Variants in LRP1B observed in about 807,000 individuals in gnomAD.
LRP1B encodes low-density lipoprotein receptor-related protein 1B.
A neutral mutation model predicts 556.6 loss-of-function variants in LRP1B; 217 were observed. The observed-to-expected ratio is 0.39, with a 90% CI of 0.35 to 0.44. LRP1B has a LOEUF of 0.44. Among genes scored for constraint, LRP1B ranks in the 20% least tolerant of loss-of-function variants. LRP1B has a pLI of 1.00. For synonymous variants in LRP1B, 2,047 were observed against 1,865.8 expected (o/e 1.10, Z -2.50); for missense variants, 5,053 against 5,620.8 (o/e 0.90, Z 3.23).
chr2:140,877,154 T>C (rs1033991477), intron 25 of LRP1B, among the ~76,000 whole-genome samples: 1 of 152,182 alleles, frequency 6.6e-6, no homozygotes, highest in Non-Finnish European at 1.5e-5. Context: ...ATAGACAACT[T>C]AAACTTCAGA....
At chr2:140,607,614 A>T (rs1419933194) in intron 41 of LRP1B, among the ~76,000 whole-genome samples, 2 of 144,838 alleles carry the variant, frequency 1.4e-5, no homozygotes, top group Non-Finnish European at 3.0e-5. Context: ...ATATATGCTA[A>T]ACTCGACCCC....
chr2:141,787,827 A>T (rs1695475162), intron 2 of LRP1B, among the ~76,000 whole-genome samples: 1 of 151,888 alleles, frequency 6.6e-6, no homozygotes, highest in Non-Finnish European at 1.5e-5. Context: ...GCTCATCTTT[A>T]AACTACTAAT....
At chr2:141,013,445 A>T (rs759657139) in intron 14 of LRP1B, 111 bp downstream of exon 14, 14 of 845,924 alleles carry the variant, frequency 1.7e-5, no homozygotes, top group Non-Finnish European at 2.5e-5. Context: ...AGGGAATTTG[A>T]CATCTTTTAT....
At chr2:141,298,694 C>T (rs754411806) in intron 3 of LRP1B, among the ~76,000 whole-genome samples, 1 of 152,046 alleles carries the variant, frequency 6.6e-6, no homozygotes, top group Non-Finnish European at 1.5e-5. Context: ...GTGGCTCACG[C>T]CTGTAATACC....
rs182550792 is a variant in LRP1B at position 140,562,860 on chromosome 2, T to C, written c.7195-20889A>G. ...CCAACTCCTGGCCTCAAACGATCTG[T>C]CTGCTTCAGCGTCCCAAAGTGCTAG... On this transcript the variant is annotated intron_variant, in intron 43 of 90. Transcript: ENST00000389484. 2.9e-3 allele frequency among the ~76,000 whole-genome samples: 434 copies of C among 152,142 alleles called. 3 individuals are homozygous for C. The highest frequency in any genetic ancestry group is 5.2e-3 in the Admixed American group (80 of 15,256).
chr2:141,188,696 AT>A, intron 6 of LRP1B, 113 bp from the exon 7 acceptor site: 1 of 865,880 alleles, frequency 1.2e-6, no homozygotes, highest in South Asian at 1.9e-5. Flanking sequence ...AAGTATAGAC[AT>A]TTTTATGAAA....
At chr2:140,304,818 G>A (rs1413914515) in intron 83 of LRP1B, among the ~76,000 whole-genome samples, 1 of 152,124 alleles carries the variant, frequency 6.6e-6, no homozygotes, top group Non-Finnish European at 1.5e-5. Context: ...AATCCATCTT[G>A]AATTAATTTT....
chr2:141,444,561 G>A (rs1488653788), intron 3 of LRP1B, among the ~76,000 whole-genome samples: 1 of 152,054 alleles, frequency 6.6e-6, no homozygotes, highest in Non-Finnish European at 1.5e-5. Flanking sequence ...TTGTCTGGGG[G>A]TTTGTCATAA....
At chr2:141,955,334 A>G (rs1276898020) in intron 1 of LRP1B, among the ~76,000 whole-genome samples, 3 of 152,084 alleles carry the variant, frequency 2.0e-5, no homozygotes, top group Non-Finnish European at 4.4e-5. Flanking sequence ...TGTGTTTTAG[A>G]TGACAAATGG....
chr2:141,094,476 G>C (rs1489423175), intron 7 of LRP1B, among the ~76,000 whole-genome samples: 1 of 152,142 alleles, frequency 6.6e-6, no homozygotes, highest in Non-Finnish European at 1.5e-5. Flanking sequence ...TTTTTGAAAT[G>C]AGGTAGGGCA....
At chr2:141,313,162 C>T (rs1449823711) in intron 3 of LRP1B, among the ~76,000 whole-genome samples, 1 of 152,036 alleles carries the variant, frequency 6.6e-6, no homozygotes, top group Non-Finnish European at 1.5e-5. Flanking sequence ...AAATTAAAGA[C>T]TTGGCCTCAT....
At chr2:141,465,543 C>CTTT (rs71391652) in intron 3 of LRP1B, among the ~76,000 whole-genome samples, 15,067 of 116,962 alleles carry the variant, frequency 0.13, 1,100 homozygotes, top group South Asian at 0.3. Context: ...CACAGCATGA[C>CTTT]TTTTTTTTTT....
intron 11 of LRP1B, among the ~76,000 whole-genome samples, chr2:141,037,855 G>GAC (rs1169807900): frequency 6.6e-6 from 1 of 151,284 alleles, no homozygotes; most frequent in East Asian, 2.0e-4. Flanking sequence ...TGCAAGCACA[G>GAC]ACACACACAG....
chr2:140,807,749 G>A (rs7591396), intron 32 of LRP1B, among the ~76,000 whole-genome samples: 70,033 of 151,954 alleles, frequency 0.46, 17,388 homozygotes, highest in East Asian at 0.58. Context: ...TAATTTTAGA[G>A]CAACTAGTTA....
intron 20 of LRP1B, among the ~76,000 whole-genome samples, chr2:140,930,999 C>A (rs1450854335): frequency 1.3e-5 from 2 of 152,010 alleles, no homozygotes; most frequent in Non-Finnish European, 2.9e-5. Flanking sequence ...GTTTAGCCTG[C>A]CCTCAGTTTC....
At chr2:142,034,663 G>A (rs547560359) in intron 1 of LRP1B, among the ~76,000 whole-genome samples, 3 of 151,830 alleles carry the variant, frequency 2.0e-5, no homozygotes, top group South Asian at 2.1e-4. Context: ...GTTAACTCCT[G>A]AATAGATCCC....
chr2:141,779,459 G>C (rs1262960932), intron 2 of LRP1B, among the ~76,000 whole-genome samples: 2 of 109,004 alleles, frequency 1.8e-5, no homozygotes, highest in Non-Finnish European at 3.7e-5. Flanking sequence ...TCGCTTTTCT[G>C]TCCAGGCTGG....
At chr2:141,269,397 T>A (rs1328888377) in intron 3 of LRP1B, among the ~76,000 whole-genome samples, 2 of 152,260 alleles carry the variant, frequency 1.3e-5, no homozygotes, top group Non-Finnish European at 2.9e-5. Flanking sequence ...AGCATTTTTT[T>A]AAACTAATAG....
intron 41 of LRP1B, among the ~76,000 whole-genome samples, chr2:140,637,144 G>T (rs182225753): frequency 1.3e-5 from 2 of 152,260 alleles, no homozygotes; most frequent in Admixed American, 6.5e-5. Flanking sequence ...AGTGAGCAGA[G>T]ATCACCTTAG....
Sources: gnomAD v4.1 joint callset for allele counts (sites outside exome capture counted in the v4.1 genomes callset) on GRCh38, gnomAD v4.1.1 for gene constraint, MANE v1.5 for transcripts, NCBI Gene and HGNC (gene_info 2026-07-23, HGNC 2026-07-21) for gene names.